Variants in ESD observed in about 807,000 individuals in gnomAD.
ESD encodes esterase D, also known as S-formylglutathione hydrolase.
In ESD, 34 loss-of-function variants were observed where a neutral mutation model predicts 38.1. The observed-to-expected ratio is 0.89, with a 90% CI of 0.68 to 1.19. The LOEUF (loss-of-function observed/expected upper bound fraction) is 1.19. ESD is among the 50% of genes most tolerant of loss of function. The probability of loss-of-function intolerance (pLI) is 0.00; values close to 1 mark genes in which losing one functional copy is unlikely to be tolerated. For missense variants in ESD, 334 were observed against 327.2 expected (o/e 1.02, Z -0.16); for synonymous variants, 97 against 107.0 (o/e 0.91, Z 0.58).
At chr13:46,774,628 A>G (rs1874723575) in intron 9 of ESD, among the ~76,000 whole-genome samples, 1 of 152,152 alleles carries the variant, frequency 6.6e-6, no homozygotes. Flanking sequence ...TCATTCTTTC[A>G]TTCTTCACTC....
At chr13:46,791,072 A>AT (rs1875379542) in intron 3 of ESD, among the ~76,000 whole-genome samples, 1 of 152,122 alleles carries the variant, frequency 6.6e-6, no homozygotes, top group Non-Finnish European at 1.5e-5. Flanking sequence ...TGTTTTCAGA[A>AT]TTTTTACTGG....
chr13:46,796,044 AT>A (rs1566286184), intron 1 of ESD, among the ~76,000 whole-genome samples: 6 of 152,164 alleles, frequency 3.9e-5, no homozygotes, highest in Admixed American at 6.5e-5. Flanking sequence ...TAAAAAAAAT[AT>A]AGCATCTATA....
chr13:46,779,954 G>C lies in ESD; in HGVS notation c.581C>G (p.Thr194Arg), dbSNP rs1029512457. 1 of 1,605,114 alleles carries C rather than the reference G, an allele frequency of 6.2e-7. No homozygotes were observed. Among genetic ancestry groups the C allele is most frequent in the Non-Finnish European group, 8.5e-7 (1 of 1,174,184 alleles). ...GKKAFSGYLGTDQSKWKAYDA... is the reference protein window; with the variant it reads ...GKKAFSGYLGRDQSKWKAYDA... ...ACCTACCTTCCATTTACTTTGATCTGTTCCCAAATATCCACTAAAGGCTTT... is the reference window on the plus strand; with the variant it reads ...ACCTACCTTCCATTTACTTTGATCTCTTCCCAAATATCCACTAAAGGCTTT... The change falls in exon 8 of 10, where the codon ACA becomes AGA. Residue 194 changes from threonine to arginine, a missense_variant. Transcript: ENST00000378720.
Position 46,784,283 on chromosome 13 carries a change from A to C in ESD, c.225T>G (p.Gly75=). 8 of 1,611,966 alleles carry C rather than the reference A, an allele frequency of 5.0e-6. No homozygotes were observed. Among genetic ancestry groups the C allele is most frequent in the Non-Finnish European group, 5.9e-6 (7 of 1,178,858 alleles). Residue 75 remains glycine (G), a synonymous_variant, in exon 5 of 10, where the codon GGT becomes GGG. Transcript: ENST00000378720. ...TGGTATCTGGAGCAATGACAACAAG[A>C]CCATGTTCTGAAGCAGACTGATGAT... ...SGYHQSASEH[G]LVVIAPDTSP...
intron 9 of ESD, among the ~76,000 whole-genome samples, chr13:46,773,089 C>A (rs1437417584): frequency 6.6e-5 from 10 of 152,142 alleles, no homozygotes; most frequent in Non-Finnish European, 1.5e-4. Flanking sequence ...TATGGCTGTA[C>A]AGTATTCCAT....
Position 46,787,043 on chromosome 13 carries a change from G to T in ESD, c.135C>A (p.Cys45Ter). The T allele has an allele frequency of 6.4e-7, 1 of 1,571,356 alleles. No individual in the cohort carries two copies. Among genetic ancestry groups the T allele is most frequent in the Non-Finnish European group, 8.7e-7 (1 of 1,151,936 alleles). The change falls in exon 4 of 10, where the codon TGC becomes TGA. Residue 45 changes from cysteine to a stop codon, truncating the protein, a stop_gained. Transcript: ENST00000378720. LOFTEE classifies it high-confidence loss of function. Reference sequence around the variant, plus strand: ...TACCTGAGAGCCAATACAGTGCAGGGCACTTTCCTGTTTCTGCCTTTGGTG... The same window carrying T: ...TACCTGAGAGCCAATACAGTGCAGGTCACTTTCCTGTTTCTGCCTTTGGTG... Reference protein sequence around the residue: ...YLPPKAETGKCPALYWLSGLT... With the variant: ...YLPPKAETGK
chr13:46,777,954 A>AT lies in ESD; in HGVS notation c.601-332dup, dbSNP rs776346754. Among the ~76,000 whole-genome samples the AT allele has an allele frequency of 1.3e-4, 20 of 151,588 alleles. No homozygotes were observed. In the East Asian group the frequency reaches 2.7e-3, roughly 21 times the overall value. On this transcript the variant is annotated intron_variant, in intron 8 of 9. Transcript: ENST00000378720. The stretch of plus-strand genomic sequence containing the variant: ...TCCTCTTGGCTCCAGCAAGAACATG[A>AT]TTTTTTTTCCTTTGTAACTCCTTCC...
chr13:46,778,326 C>T (rs1318289278), intron 8 of ESD, among the ~76,000 whole-genome samples: 5 of 151,818 alleles, frequency 3.3e-5, no homozygotes, highest in African/African-American at 9.7e-5. Context: ...CAAACAACCA[C>T]GAAAAGATTT....
intron 9 of ESD, among the ~76,000 whole-genome samples, chr13:46,772,488 A>G (rs1874641037): frequency 6.6e-6 from 1 of 152,210 alleles, no homozygotes; most frequent in African/African-American, 2.4e-5. Context: ...ATGCAGTTAC[A>G]TAAGTAAACG....
chr13:46,784,282 G>C lies in ESD; in HGVS notation c.226C>G (p.Leu76Val). 2 of 1,611,794 alleles carry C rather than the reference G, an allele frequency of 1.2e-6. No homozygotes were observed. Among genetic ancestry groups the C allele is most frequent in the Non-Finnish European group, 1.7e-6 (2 of 1,178,812 alleles). ...GYHQSASEHG[L>V]VVIAPDTSPR... ...CTGGTATCTGGAGCAATGACAACAA[G>C]ACCATGTTCTGAAGCAGACTGATGA... Residue 76 changes from leucine to valine, a missense_variant, in exon 5 of 10, where the codon CTT (leucine) becomes GTT (valine). Coordinates refer to ENST00000378720, the MANE Select transcript of ESD (RefSeq NM_001984.2).
chr13:46,785,640 CA>C (rs1318384757), intron 4 of ESD: 1 of 151,988 alleles, frequency 6.6e-6, no homozygotes, highest in Non-Finnish European at 1.5e-5. Context: ...ACTGGTCAGG[CA>C]ATCTTACCTT....
intron 9 of ESD, among the ~76,000 whole-genome samples, chr13:46,774,150 T>C (rs1301577314): frequency 6.6e-6 from 1 of 152,110 alleles, no homozygotes; most frequent in Non-Finnish European, 1.5e-5. Flanking sequence ...CACATATGAA[T>C]AGCCATCATT....
rs1173691454 is a variant in ESD at position 46,780,100 on chromosome 13, C to T, written c.502-67G>A. Reference sequence around the variant, plus strand: ...TAAATTAAATATGAATAGATATTTGCAACTTACTTAAAAATATAGAAGTTA... The same window carrying T: ...TAAATTAAATATGAATAGATATTTGTAACTTACTTAAAAATATAGAAGTTA... On this transcript the variant is annotated intron_variant, in intron 7 of 9. Transcript: ENST00000378720. The T allele has an allele frequency of 3.8e-6, 4 of 1,052,544 alleles. No homozygotes were observed. The East Asian group carries it at 8.5e-5, about 22-fold the overall frequency. The allele number at this position is 1,052,544 out of a possible 1,614,324, so 65.2% of individuals were successfully genotyped here.
intron 1 of ESD, among the ~76,000 whole-genome samples, chr13:46,794,834 C>G (rs1362095225): frequency 6.6e-6 from 1 of 151,192 alleles, no homozygotes; most frequent in Non-Finnish European, 1.5e-5. Context: ...TTCCCTTTCA[C>G]TCTGTCTCCT....
At chr13:46,776,156 T>C (rs1874791012) in intron 9 of ESD, 1 of 153,282 alleles carries the variant, frequency 6.5e-6, no homozygotes, top group Admixed American at 6.4e-5. Context: ...AGGCTGGTTG[T>C]TGACCTAAAA....
chr13:46,792,270 G>GT (rs1191550169), intron 2 of ESD, among the ~76,000 whole-genome samples: 1 of 151,946 alleles, frequency 6.6e-6, no homozygotes, highest in Non-Finnish European at 1.5e-5. Context: ...ATATAAGGCA[G>GT]TAAGTCCTAC....
chr13:46,779,756 T>C (rs1361442980), intron 8 of ESD, among the ~76,000 whole-genome samples, 179 bp downstream of exon 8: 1 of 146,132 alleles, frequency 6.8e-6, no homozygotes, highest in Non-Finnish European at 1.5e-5. Context: ...TATAAAATAA[T>C]ATATATAATA....
chr13:46,776,418 AT>A (rs1874800693), intron 9 of ESD: 2 of 152,228 alleles, frequency 1.3e-5, no homozygotes, highest in South Asian at 4.1e-4. Flanking sequence ...TCAGGAGAAT[AT>A]CATGCCGTCT....
Position 46,777,589 on chromosome 13 carries a change from G to A in ESD, c.635C>T (p.Pro212Leu). ...AATTAGTATGTCCAGCTGAGATCCT[G>A]GATAGGATTTCACAAGGTGGGTAGC... ...YDATHLVKSYPGSQLDILIDQ... is the reference protein window; with the variant it reads ...YDATHLVKSYLGSQLDILIDQ... The change falls in exon 9 of 10, where the codon CCA becomes CTA. Residue 212 changes from proline (P) to leucine (L), a missense_variant. Physicochemically the swap from Pro to Leu is moderately conservative, Grantham distance 98 (BLOSUM62 -3). Coordinates refer to ENST00000378720, the MANE Select transcript of ESD (RefSeq NM_001984.2). 1 of 1,606,778 alleles carries A rather than the reference G, an allele frequency of 6.2e-7. No homozygotes were observed. The highest frequency in any genetic ancestry group is 8.5e-7 in the Non-Finnish European group (1 of 1,176,322).
Sources: gnomAD v4.1 joint callset for allele counts (sites outside exome capture counted in the v4.1 genomes callset) on GRCh38, gnomAD v4.1.1 for gene constraint, MANE v1.5 for transcripts, NCBI Gene and HGNC (gene_info 2026-07-23, HGNC 2026-07-21) for gene names.